Variants in FAAH2 observed in about 807,000 individuals in gnomAD.
FAAH2 encodes fatty-acid amide hydrolase 2.
Under a neutral mutation model 36.9 loss-of-function variants are expected in FAAH2, and 60 were observed. That is an observed-to-expected ratio of 1.63 (90% confidence interval 1.32 to 2.02). FAAH2 has a LOEUF of 2.02. FAAH2 is among the 30% of genes most tolerant of loss of function. The pLI, the probability that FAAH2 is intolerant of heterozygous loss-of-function variation, is 0.00. For synonymous variants in FAAH2, 214 were observed against 143.8 expected (o/e 1.49, Z -3.49); for missense variants, 689 against 397.5 (o/e 1.73, Z -6.23).
chrX:57,319,849 G>C (rs911057725), intron 3 of FAAH2, among the ~76,000 whole-genome samples: 1 of 111,341 alleles, frequency 9.0e-6, no homozygotes, highest in African/African-American at 3.3e-5. Context: ...CAGAACAGAG[G>C]CCTCAGAAAT....
intron 8 of FAAH2, among the ~76,000 whole-genome samples, chrX:57,443,023 C>A (rs780591104): frequency 8.9e-6 from 1 of 111,970 alleles, no homozygotes; most frequent in African/African-American, 3.3e-5. Context: ...CCCGACCTTT[C>A]TCTCTGTCTG....
intron 10 of FAAH2, among the ~76,000 whole-genome samples, chrX:57,458,225 A>G (rs1905670): frequency 0.55 from 60,568 of 110,852 alleles, 14,387 homozygotes; most frequent in Non-Finnish European, 0.74. Context: ...AAATGGTACT[A>G]TAATAGTTTG....
the FAAH2 span, among the ~76,000 whole-genome samples, chrX:57,257,723 AAT>A: frequency 9.0e-6 from 1 of 111,609 alleles, no homozygotes; most frequent in African/African-American, 3.3e-5. Context: ...TACCATTTGT[AAT>A]GGCACCAATA....
At position 57,286,868 on chromosome X, in the gene FAAH2, C is replaced by A. The variant is rs779489870; in HGVS notation, c.43C>A (p.Arg15=). Residue 15 remains arginine (R), a synonymous_variant, in exon 1 of 11, where the codon CGG becomes AGG. Transcript: ENST00000374900. The part of the protein sequence containing the change: ...FTARIQLFLL[R]ALGFLIGLVG... ...CGCCCGCATTCAGTTGTTCCTCTTG[C>A]GGGCGCTAGGCTTTCTCATAGGCTT... The A allele has an allele frequency of 1.7e-5, 20 of 1,189,080 alleles. No homozygotes were observed. The African/African-American group carries it at 2.8e-4, about 17-fold the overall frequency.
chrX:57,151,724 G>T, the FAAH2 span, among the ~76,000 whole-genome samples: 1 of 110,905 alleles, frequency 9.0e-6, no homozygotes, highest in Non-Finnish European at 1.9e-5. Flanking sequence ...CTGTAGCTCG[G>T]AGTAGTTTGA....
the FAAH2 span, among the ~76,000 whole-genome samples, chrX:57,192,926 AC>A: frequency 9.0e-6 from 1 of 111,552 alleles, no homozygotes; most frequent in Admixed American, 9.5e-5. Context: ...GATGTATGTC[AC>A]CTCAGGACCC....
intron 5 of FAAH2, among the ~76,000 whole-genome samples, chrX:57,342,513 C>T (rs2053713501): frequency 9.0e-6 from 1 of 111,654 alleles, no homozygotes. Context: ...TACCCCTAAA[C>T]TTAAAAGTTA....
chrX:57,146,776 T>C, the FAAH2 span, among the ~76,000 whole-genome samples: 50,284 of 110,935 alleles, frequency 0.45, 11,440 homozygotes, highest in African/African-American at 0.89. Flanking sequence ...AATCATAAAG[T>C]GCTGCTGGCT....
chrX:57,487,872 G>A (rs2057503777), intron 10 of FAAH2, among the ~76,000 whole-genome samples: 2 of 111,628 alleles, frequency 1.8e-5, no homozygotes, highest in Admixed American at 9.6e-5. Flanking sequence ...ATTAGTAATA[G>A]CCAAAAGTAT....
the FAAH2 span, among the ~76,000 whole-genome samples, chrX:57,139,637 G>T: frequency 7.7e-4 from 86 of 110,983 alleles, 1 homozygote; most frequent in East Asian, 0.021. Context: ...TGTATTTTTA[G>T]TAGAGACGGG....
intron 5 of FAAH2, among the ~76,000 whole-genome samples, chrX:57,358,685 C>T (rs780063641): frequency 3.6e-5 from 4 of 111,359 alleles, no homozygotes. Flanking sequence ...AATGCTAAAT[C>T]TCTTTGAAAT....
At chrX:57,203,896 C>T in the FAAH2 span, among the ~76,000 whole-genome samples, 1,304 of 111,899 alleles carry the variant, frequency 0.012, 26 homozygotes, top group Non-Finnish European at 0.017. Flanking sequence ...TTAACAGTTT[C>T]CACAAATCCT....
At chrX:57,404,194 G>C (rs1444072292) in intron 7 of FAAH2, among the ~76,000 whole-genome samples, 7 of 112,242 alleles carry the variant, frequency 6.2e-5, no homozygotes, top group Non-Finnish European at 9.4e-5. Context: ...AGTGGTATTG[G>C]AGTGTTATAG....
intron 1 of FAAH2, among the ~76,000 whole-genome samples, chrX:57,291,708 G>C (rs2051989852): frequency 9.1e-6 from 1 of 109,888 alleles, no homozygotes; most frequent in African/African-American, 3.3e-5. Context: ...TGGGGGTTCT[G>C]TTTTGCTTTG....
At chrX:57,226,305 T>C in the FAAH2 span, among the ~76,000 whole-genome samples, 3 of 112,305 alleles carry the variant, frequency 2.7e-5, no homozygotes, top group East Asian at 2.8e-4. Context: ...TGTTTCATGA[T>C]TTAGAGCTTC....
intron 4 of FAAH2, among the ~76,000 whole-genome samples, chrX:57,335,791 T>C (rs1028263877): frequency 4.0e-4 from 45 of 111,915 alleles, no homozygotes; most frequent in African/African-American, 1.4e-3. Context: ...CCTTGGACAA[T>C]ACCTGGCTTT....
chrX:57,472,372 A>T (rs2057186058), intron 10 of FAAH2, among the ~76,000 whole-genome samples: 1 of 112,493 alleles, frequency 8.9e-6, no homozygotes, highest in Non-Finnish European at 1.9e-5. Flanking sequence ...TGCAGAATCT[A>T]CAAAGAGCTC....
upstream of FAAH2, among the ~76,000 whole-genome samples, chrX:57,284,719 T>C (rs183516911): frequency 5.5e-4 from 62 of 111,801 alleles, no homozygotes; most frequent in East Asian, 8.4e-4. Context: ...TAACATGGTC[T>C]AACTATTAAT....
chrX:57,296,632 G>C (rs773062566), intron 2 of FAAH2, among the ~76,000 whole-genome samples: 2 of 111,743 alleles, frequency 1.8e-5, no homozygotes, highest in Non-Finnish European at 3.8e-5. Context: ...AGAGAAGAAG[G>C]CTTCAGATGA....
Sources: gnomAD v4.1 joint callset for allele counts (sites outside exome capture counted in the v4.1 genomes callset) on GRCh38, gnomAD v4.1.1 for gene constraint, MANE v1.5 for transcripts, NCBI Gene and HGNC (gene_info 2026-07-23, HGNC 2026-07-21) for gene names.